The following NTF3 variants were observed in gnomAD, a reference collection of about 807,000 sequenced individuals.
NTF3 encodes the protein neurotrophin 3, also known as neurotrophin-3.
In NTF3, 8 loss-of-function variants were observed where a neutral mutation model predicts 26.3. That is an observed-to-expected ratio of 0.30 (90% confidence interval 0.18 to 0.55). NTF3 has a LOEUF of 0.55. NTF3 is among the 20% of genes least tolerant of loss of function. The probability of loss-of-function intolerance (pLI) is 0.93; values close to 1 mark genes in which losing one functional copy is unlikely to be tolerated. For synonymous variants in NTF3, 154 were observed against 145.5 expected (o/e 1.06, Z -0.42); for missense variants, 276 against 352.9 (o/e 0.78, Z 1.75).
In NTF3 at chr12:5,494,936, G is replaced by A. The variant is rs1447892925; in HGVS notation, c.761G>A (p.Arg254Gln). The change falls in exon 2 of 2, where the codon CGG becomes CAG. Residue 254 changes from arginine to glutamine, a missense_variant. Arg to Gln is a conservative substitution (Grantham distance 43). Around this residue, in one of 3 missense-constraint regions of NTF3, gnomAD observed 52 missense variants for 78.4 expected, o/e 0.66. Transcript: ENST00000423158. This position sits in a 1 kb window ranked among gnomAD's most constrained non-coding sequence, Gnocchi z 8.3. The part of the protein sequence containing the change: ...NNKLVGWRWI[R>Q]IDTSCVCALS... ...AAACTCGTGGGCTGGCGGTGGATAC[G>A]GATAGACACGTCCTGTGTGTGTGCC... 1.2e-6 allele frequency: 2 copies of A among 1,613,986 alleles called. No homozygotes were observed. The highest frequency in any genetic ancestry group is 8.5e-7 in the Non-Finnish European group (1 of 1,180,032).
At chr12:5,444,319 G>A (rs1279231555) in intron 1 of NTF3, among the ~76,000 whole-genome samples, 3 of 152,200 alleles carry the variant, frequency 2.0e-5, no homozygotes, top group African/African-American at 4.8e-5. Flanking sequence ...CAGAAAGAGA[G>A]CGTGAGCAGG....
Position 5,456,692 on chromosome 12 carries a change from G to T in NTF3, c.18+24350G>T, listed in dbSNP as rs1940456349. Among the ~76,000 whole-genome samples, 1 of 152,168 alleles carries T rather than the reference G, an allele frequency of 6.6e-6. No homozygotes were observed. Among genetic ancestry groups the T allele is most frequent in the Non-Finnish European group, 1.5e-5 (1 of 68,034 alleles). On this transcript the variant is annotated intron_variant, in intron 1 of 1. Coordinates refer to ENST00000423158, the MANE Select transcript of NTF3 (RefSeq NM_001102654.2). This position sits in a 1 kb window ranked among gnomAD's most constrained non-coding sequence, Gnocchi z 4.4. Reference sequence around the variant, plus strand: ...TCTGGCTCTGGGAGGGGAGGTTTGTGTAAGATTCCCTCCCACGGTTCAGCA... The same window carrying T: ...TCTGGCTCTGGGAGGGGAGGTTTGTTTAAGATTCCCTCCCACGGTTCAGCA...
At chr12:5,444,483 A>G (rs548186483) in intron 1 of NTF3, among the ~76,000 whole-genome samples, 24 of 152,314 alleles carry the variant, frequency 1.6e-4, no homozygotes, top group Non-Finnish European at 2.9e-4. Flanking sequence ...TCACTGGTGA[A>G]AGTAGGAGGA....
intron 1 of NTF3, among the ~76,000 whole-genome samples, chr12:5,481,670 A>C (rs1178325204): frequency 7.5e-6 from 1 of 132,666 alleles, no homozygotes; most frequent in East Asian, 2.6e-4. Context: ...ACACATGCAC[A>C]CACATGTATA....
intron 1 of NTF3, among the ~76,000 whole-genome samples, chr12:5,436,844 C>T (rs552102628): frequency 6.6e-6 from 1 of 152,270 alleles, no homozygotes; most frequent in South Asian, 2.1e-4. Flanking sequence ...GATCTTTGAG[C>T]TATTCAGAGG....
At chr12:5,447,233 A>G (rs934235663) in intron 1 of NTF3, among the ~76,000 whole-genome samples, 1 of 152,250 alleles carries the variant, frequency 6.6e-6, no homozygotes, top group African/African-American at 2.4e-5. Flanking sequence ...AGAGTGATGA[A>G]CAGAAGCATT....
chr12:5,432,311 G>A lies in NTF3; in HGVS notation c.-14G>A. ...CTTCATGTCGACGTCCCTGGAAACG[G>A]CCACACGGATGCCATGGTTACTTTT... On this transcript the variant is annotated 5_prime_UTR_variant, in exon 1 of 2. Transcript: ENST00000423158. 2 of 1,613,294 alleles carry A rather than the reference G, an allele frequency of 1.2e-6. No homozygotes were observed. Among genetic ancestry groups the A allele is most frequent in the Non-Finnish European group, 1.7e-6 (2 of 1,179,756 alleles).
At chr12:5,442,253 AGGAGCAAGCT>A (rs1173997197) in intron 1 of NTF3, among the ~76,000 whole-genome samples, 1 of 152,238 alleles carries the variant, frequency 6.6e-6, no homozygotes, top group Non-Finnish European at 1.5e-5. Flanking sequence ...CTCTTGGTTC[AGGAGCAAGCT>A]GGAGGGTCCA....
chr12:5,441,553 A>T (rs545156144), intron 1 of NTF3, among the ~76,000 whole-genome samples: 26 of 152,302 alleles, frequency 1.7e-4, no homozygotes, highest in African/African-American at 6.0e-4. Flanking sequence ...CAGCCTCCTG[A>T]TGCCACTTAG....
At chr12:5,476,730 G>A (rs928382268) in intron 1 of NTF3, among the ~76,000 whole-genome samples, 3 of 152,128 alleles carry the variant, frequency 2.0e-5, no homozygotes, top group Non-Finnish European at 4.4e-5. Flanking sequence ...GGTGTCATCC[G>A]GTAAATTATG....
chr12:5,460,768 A>C (rs1245898285), intron 1 of NTF3, among the ~76,000 whole-genome samples: 1 of 152,220 alleles, frequency 6.6e-6, no homozygotes, highest in Non-Finnish European at 1.5e-5. Context: ...CAGAACCAGC[A>C]GCTCTGTAAG....
intron 1 of NTF3, among the ~76,000 whole-genome samples, chr12:5,444,989 T>G (rs1488996268): frequency 6.6e-6 from 1 of 152,172 alleles, no homozygotes; most frequent in Non-Finnish European, 1.5e-5. Context: ...GATTAAAATA[T>G]CTGATATTTT....
intron 1 of NTF3, among the ~76,000 whole-genome samples, chr12:5,488,914 T>G (rs939389868): frequency 2.6e-5 from 4 of 152,204 alleles, no homozygotes; most frequent in African/African-American, 9.7e-5. Context: ...TCTCTTGAAT[T>G]TGCATATTAA....
In NTF3 at chr12:5,475,259, C is replaced by T. The variant is rs564973593; in HGVS notation, c.19-18935C>T. Among the ~76,000 whole-genome samples the T allele has an allele frequency of 3.9e-5, 6 of 152,064 alleles. No homozygotes were observed. The South Asian group carries it at 8.4e-4, about 21-fold the overall frequency. On this transcript the variant is annotated intron_variant, in intron 1 of 1. Transcript: ENST00000423158. ...GAGAGGTGCCGTCTGGAGGAGGGATCGGAGTGTCCAGTGATTCAGAGAGCA... is the reference window on the plus strand; with the variant it reads ...GAGAGGTGCCGTCTGGAGGAGGGATTGGAGTGTCCAGTGATTCAGAGAGCA...
chr12:5,463,155 G>A (rs1316407527), intron 1 of NTF3, among the ~76,000 whole-genome samples: 1 of 152,116 alleles, frequency 6.6e-6, no homozygotes, highest in African/African-American at 2.4e-5. Context: ...CTAGTAAAGG[G>A]TTATTTTCAG....
intron 1 of NTF3, among the ~76,000 whole-genome samples, chr12:5,435,396 C>T (rs1034328028): frequency 2.0e-5 from 3 of 152,138 alleles, no homozygotes; most frequent in African/African-American, 4.8e-5. Context: ...CAGAGCTCGA[C>T]GCTTGTTGAG....
chr12:5,470,866 T>C (rs1940655904), intron 1 of NTF3, among the ~76,000 whole-genome samples: 1 of 152,234 alleles, frequency 6.6e-6, no homozygotes, highest in African/African-American at 2.4e-5. Context: ...GACAAATGTG[T>C]GGCCCAGATG....
At chr12:5,482,137 A>T (rs1940814177) in intron 1 of NTF3, among the ~76,000 whole-genome samples, 1 of 152,102 alleles carries the variant, frequency 6.6e-6, no homozygotes, top group African/African-American at 2.4e-5. Context: ...ACACAGACAC[A>T]CATAGACACA....
At chr12:5,445,300 ATGTGTG>A (rs55994341) in intron 1 of NTF3, among the ~76,000 whole-genome samples, 2 of 60,816 alleles carry the variant, frequency 3.3e-5, no homozygotes, top group African/African-American at 8.3e-5. Flanking sequence ...GTGTGTGTGT[ATGTGTG>A]TGTGTGTGTG....
Sources: allele counts gnomAD v4.1 joint callset (sites outside exome capture counted in the v4.1 genomes callset), GRCh38; gene constraint gnomAD v4.1.1; regional missense constraint gnomAD v4.1.1; non-coding constraint Gnocchi (gnomAD v3.1); transcripts MANE v1.5; gene names NCBI Gene and HGNC (gene_info 2026-07-23, HGNC 2026-07-21).